Variants in TMUB2 observed in about 807,000 individuals in gnomAD.
TMUB2 encodes the protein transmembrane and ubiquitin-like domain-containing protein 2.
Under a neutral mutation model 20.2 loss-of-function variants are expected in TMUB2, and 19 were observed. The observed-to-expected ratio is 0.94, with a 90% confidence interval of 0.66 to 1.38. The LOEUF is 1.38. TMUB2 is among the 40% of genes most tolerant of loss of function. The probability of loss-of-function intolerance (pLI) is 0.00; values close to 1 mark genes in which losing one functional copy is unlikely to be tolerated. For missense variants in TMUB2, 426 were observed against 402.5 expected, an observed-to-expected ratio of 1.06 and a Z score of -0.50; for synonymous variants, 186 against 166.0, an observed-to-expected ratio of 1.12 and a Z score of -0.92.
At chr17:44,188,420 T>C (rs543202806) in intron 2 of TMUB2, among the ~76,000 whole-genome samples, 8 of 152,308 alleles carry the variant, frequency 5.3e-5, no homozygotes, top group South Asian at 4.1e-4. Context: ...TACAGAGTTA[T>C]CGTTTTAGAT....
intron 2 of TMUB2, among the ~76,000 whole-genome samples, chr17:44,188,334 A>G (rs929238694): frequency 6.6e-6 from 1 of 152,174 alleles, no homozygotes; most frequent in Non-Finnish European, 1.5e-5. Context: ...GTCTGTCCCA[A>G]GTTGCTCCCC....
rs1310158462 is a variant in TMUB2 at position 44,191,700 on chromosome 17, G to A, written c.*836G>A. On this transcript the variant is annotated 3_prime_UTR_variant, in exon 4 of 4. Transcript: ENST00000538716. The stretch of plus-strand genomic sequence containing the variant: ...GGGCTATTGGAGGGTCAGTGTCTGT[G>A]ACTGAATAAAGTTCCATTTTGTGGT... 4 of 985,656 alleles carry A rather than the reference G, an allele frequency of 4.1e-6. No homozygotes were observed. Among genetic ancestry groups the A allele is most frequent in the African/African-American group, 3.5e-5 (2 of 57,232 alleles). 61.1% of individuals were successfully genotyped at this position (985,656 alleles called of 1,614,324 possible).
chr17:44,189,315 C>A lies in TMUB2; in HGVS notation c.329C>A (p.Ala110Asp). Residue 110 changes from alanine to aspartate, a missense_variant, in exon 3 of 4, where the codon GCT becomes GAT. By Grantham distance (126) the Ala-to-Asp change is moderately radical. Coordinates refer to ENST00000538716, the MANE Select transcript of TMUB2 (RefSeq NM_001076674.3). ...PHPSEGNDEK[A>D]EEAGEGRGDS... is the part of the protein sequence containing the mutation. The stretch of plus-strand genomic sequence containing the variant: ...CCATCAGAGGGTAATGATGAGAAGG[C>A]TGAAGAGGCGGGTGAAGGTCGGGGA... 6.2e-7 allele frequency: 1 copy of A among 1,600,518 alleles called. No individual in the cohort carries two copies. Among genetic ancestry groups the A allele is most frequent in the Admixed American group, 1.7e-5 (1 of 59,254 alleles).
Position 44,191,523 on chromosome 17 carries a change from G to C in TMUB2, c.*659G>C. ...GGAAGGGGATGGGGCACCAAGCCAA[G>C]CCCCCAGCATTGGGAGCGGCCAGGC... On this transcript the variant is annotated 3_prime_UTR_variant, in exon 4 of 4. Coordinates refer to ENST00000538716, the MANE Select transcript of TMUB2 (RefSeq NM_001076674.3). 2 of 986,020 alleles carry C rather than the reference G, an allele frequency of 2.0e-6. No homozygotes were observed. Among genetic ancestry groups the C allele is most frequent in the Non-Finnish European group, 2.4e-6 (2 of 830,064 alleles). The allele number at this position is 986,020 out of a possible 1,614,324, so 61.1% of individuals were successfully genotyped here. A position where few individuals can be genotyped will look rare whatever the true frequency, so the allele number is the denominator to read the frequency against.
Position 44,190,577 on chromosome 17 carries a change from C to G in TMUB2, c.679C>G (p.Leu227Val). Residue 227 changes from leucine to valine, a missense_variant, in exon 4 of 4, where the codon CTG becomes GTG. By Grantham distance (32) the Leu-to-Val change is conservative (BLOSUM62 1). Transcript: ENST00000538716. ...GRLLQDPARTLRSLNITDNCV... is the reference protein window; with the variant it reads ...GRLLQDPARTVRSLNITDNCV... ...CCTGCTACAAGACCCAGCCCGCACA[C>G]TGCGTTCTCTGAACATTACCGACAA... 1.2e-6 allele frequency: 2 copies of G among 1,614,214 alleles called. No individual in the cohort carries two copies. Among genetic ancestry groups the G allele is most frequent in the Admixed American group, 1.7e-5 (1 of 60,022 alleles).
rs2055054933 is a variant in TMUB2, at chr17:44,189,548, G to C, written c.562G>C (p.Ala188Pro). 6.2e-7 allele frequency: 1 copy of C among 1,611,516 alleles called. No homozygotes were observed. Among genetic ancestry groups the C allele is most frequent in the Non-Finnish European group, 8.5e-7 (1 of 1,178,740 alleles). The stretch of plus-strand genomic sequence containing the variant: ...ATTCCTCAATGATACCGAGGAGCTG[G>C]CTGTGGCTAGGCCAGAGGATACCGT... The part of the protein sequence containing the change: ...LKFLNDTEEL[A>P]VARPEDTVGA... The change falls in exon 3 of 4, where the codon GCT becomes CCT. Residue 188 changes from alanine to proline, a missense_variant. By Grantham distance (27) the Ala-to-Pro change is conservative. Transcript: ENST00000538716.
At position 44,189,456 on chromosome 17, in the gene TMUB2, C is replaced by T. The variant is rs766442596; in HGVS notation, c.470C>T (p.Ala157Val). Residue 157 changes from alanine (A) to valine (V), a missense_variant, in exon 3 of 4, where the codon GCC becomes GTC. By Grantham distance (64) the Ala-to-Val change is moderately conservative. Transcript: ENST00000538716. ...QAGAGSSSPE[A>V]PLRSEDSTCL... ...GGTGCAGGCAGCAGCAGTCCAGAGGCCCCCCTGAGATCTGAGGATAGCACC... is the reference window on the plus strand; with the variant it reads ...GGTGCAGGCAGCAGCAGTCCAGAGGTCCCCCTGAGATCTGAGGATAGCACC... The T allele has an allele frequency of 9.3e-6, 15 of 1,613,868 alleles. No individual in the cohort carries two copies. Among genetic ancestry groups the T allele is most frequent in the East Asian group, 8.9e-5 (4 of 44,890 alleles).
In TMUB2 at chr17:44,189,194, A is replaced by C. The variant is rs755297238; in HGVS notation, c.208A>C (p.Ile70Leu). The change falls in exon 3 of 4, where the codon ATT becomes CTT. Residue 70 changes from isoleucine to leucine, a missense_variant. Coordinates refer to ENST00000538716, the MANE Select transcript of TMUB2 (RefSeq NM_001076674.3). The part of the protein sequence containing the change: ...DSGSNQLLGA[I>L]VSAGDTSVLH... ...CGGTAGCAACCAGCTCCTGGGCGCT[A>C]TTGTGTCAGCAGGCGACACATCCGT... 1.5e-5 allele frequency: 25 copies of C among 1,613,958 alleles called. No individual in the cohort carries two copies. Among genetic ancestry groups the C allele is most frequent in the Non-Finnish European group, 2.1e-5 (25 of 1,180,016 alleles).
chr17:44,189,369 G>A lies in TMUB2; in HGVS notation c.383G>A (p.Gly128Asp), dbSNP rs1404771208. 5 of 1,610,118 alleles carry A rather than the reference G, an allele frequency of 3.1e-6. No homozygotes were observed. The African/African-American group carries it at 5.3e-5, about 17-fold the overall frequency. The change falls in exon 3 of 4, where the codon GGT (glycine) becomes GAT (aspartate). Residue 128 changes from glycine to aspartate, a missense_variant. Transcript: ENST00000538716. The stretch of plus-strand genomic sequence containing the variant: ...TCCACTGGGGAGGCTGGAGCTGGGG[G>A]TGGTGTTGAGCCCAGCCTTGAGCAT... ...GDSTGEAGAG[G>D]GVEPSLEHLL... is the part of the protein sequence containing the mutation.
chr17:44,190,624 C>T lies in TMUB2; in HGVS notation c.726C>T (p.Arg242=). ...ACAACTGTGTGATTCACTGCCACCG[C>T]TCACCCCCAGGGTCAGCTGTTCCAG... ...ITDNCVIHCH[R]SPPGSAVPGP... Residue 242 remains arginine, a synonymous_variant, in exon 4 of 4, where the codon CGC becomes CGT. Transcript: ENST00000538716. 1 of 1,614,250 alleles carries T rather than the reference C, an allele frequency of 6.2e-7. No individual in the cohort carries two copies. The highest frequency in any genetic ancestry group is 1.1e-5 in the South Asian group (1 of 91,088).
chr17:44,189,388 T>G lies in TMUB2; in HGVS notation c.402T>G (p.Leu134=). ...AGAGGGVEPS[L]EHLLDIQGLP... is the part of the protein sequence containing the mutation. ...CTGGGGGTGGTGTTGAGCCCAGCCT[T>G]GAGCATCTCCTTGACATCCAAGGCC... The change falls in exon 3 of 4, where the codon CTT becomes CTG. Residue 134 remains leucine (L), a synonymous_variant. Transcript: ENST00000538716. The G allele has an allele frequency of 6.2e-7, 1 of 1,613,352 alleles. No individual in the cohort carries two copies. Among genetic ancestry groups the G allele is most frequent in the East Asian group, 2.2e-5 (1 of 44,864 alleles).
In TMUB2 at chr17:44,190,520, G is replaced by T. The variant is rs962350834; in HGVS notation, c.622G>T (p.Glu208Ter). 2.5e-6 allele frequency: 4 copies of T among 1,606,422 alleles called. No individual in the cohort carries two copies. In the Admixed American group the frequency reaches 6.7e-5, roughly 27 times the overall value. Reference sequence around the variant, plus strand: ...TTACAGCAAATACTTCCCTGGACAAGAAAGCCAGATGAAACTGATCTACCA... The same window carrying T: ...TTACAGCAAATACTTCCCTGGACAATAAAGCCAGATGAAACTGATCTACCA... ...ALKSKYFPGQ[E>*]SQMKLIYQGR... The change falls in exon 4 of 4, where the codon GAA becomes TAA. Residue 208 changes from glutamate (E) to a stop codon, truncating the protein, a stop_gained. Coordinates refer to ENST00000538716, the MANE Select transcript of TMUB2 (RefSeq NM_001076674.3). LOFTEE classifies it high-confidence loss of function.
rs575875448 is a variant in TMUB2 at position 44,189,007 on chromosome 17, C to G, written c.36-15C>G. The G allele has an allele frequency of 4.6e-5, 74 of 1,606,002 alleles. No individual in the cohort carries two copies. The South Asian group carries it at 5.1e-4, about 11-fold the overall frequency. The stretch of plus-strand genomic sequence containing the variant: ...CCTCAGGCTCTGCTGATGCTGTCCC[C>G]CTTTGTTCCTGCAGCGTGGACCCTG... On this transcript the variant is annotated splice_polypyrimidine_tract_variant and intron_variant, in intron 2 of 3. Transcript: ENST00000538716.
rs1047433141 is a variant in TMUB2 at position 44,191,609 on chromosome 17, A to T, written c.*745A>T. ...CAAGAGACAGCACTGGCCCTTGGCCAGCGTCCTACCCTGCCCAACTCCAAG... is the reference window on the plus strand; with the variant it reads ...CAAGAGACAGCACTGGCCCTTGGCCTGCGTCCTACCCTGCCCAACTCCAAG... On this transcript the variant is annotated 3_prime_UTR_variant, in exon 4 of 4. Coordinates refer to ENST00000538716, the MANE Select transcript of TMUB2 (RefSeq NM_001076674.3). 17 of 985,826 alleles carry T rather than the reference A, an allele frequency of 1.7e-5. No individual in the cohort carries two copies. The African/African-American group carries it at 3.0e-4, about 17-fold the overall frequency. 61.1% of individuals were successfully genotyped at this position (985,826 alleles called of 1,614,324 possible). A position where few individuals can be genotyped will look rare whatever the true frequency, so the allele number is the denominator to read the frequency against.
In TMUB2 at chr17:44,191,809, A is replaced by T; in HGVS notation, c.*945A>T. On this transcript the variant is annotated 3_prime_UTR_variant, in exon 4 of 4. Coordinates refer to ENST00000538716, the MANE Select transcript of TMUB2 (RefSeq NM_001076674.3). ...TGAGAGTAGGTAGGCCGGGGCTACC[A>T]ACGGGAGATGCAGTTTATTTACACC... 3 of 870,368 alleles carry T rather than the reference A, an allele frequency of 3.4e-6. No individual in the cohort carries two copies. The highest frequency in any genetic ancestry group is 4.1e-6 in the Non-Finnish European group (3 of 724,928). 53.9% of individuals were successfully genotyped at this position (870,368 alleles called of 1,614,324 possible).
Position 44,190,958 on chromosome 17 carries a change from G to C in TMUB2, c.*94G>C. ...CTGGGCCCAAGGGCCGGGGAGGGAG[G>C]GGTGGAAAGGATGTGATGGAAATCT... On this transcript the variant is annotated 3_prime_UTR_variant, in exon 4 of 4. Coordinates refer to ENST00000538716, the MANE Select transcript of TMUB2 (RefSeq NM_001076674.3). The C allele has an allele frequency of 6.6e-7, 1 of 1,511,214 alleles. No individual in the cohort carries two copies. Among genetic ancestry groups the C allele is most frequent in the Non-Finnish European group, 8.8e-7 (1 of 1,137,624 alleles). The allele number at this position is 1,511,214 out of a possible 1,614,324, so 93.6% of individuals were successfully genotyped here.
At position 44,191,441 on chromosome 17, in the gene TMUB2, A is replaced by G; in HGVS notation, c.*577A>G. On this transcript the variant is annotated 3_prime_UTR_variant, in exon 4 of 4. Coordinates refer to ENST00000538716, the MANE Select transcript of TMUB2 (RefSeq NM_001076674.3). ...AATAGGGTGTCCTCCCTTCTTTCAA[A>G]GCACTTTGCTTGCATTTTATTTTAT... 1.0e-6 allele frequency: 1 copy of G among 985,950 alleles called. No individual in the cohort carries two copies. Among genetic ancestry groups the G allele is most frequent in the East Asian group, 1.1e-4 (1 of 8,816 alleles). 61.1% of individuals were successfully genotyped at this position (985,950 alleles called of 1,614,324 possible). A position where few individuals can be genotyped will look rare whatever the true frequency, so the allele number is the denominator to read the frequency against.
chr17:44,187,400 G>T (rs1567741718), intron 1 of TMUB2: 2 of 391,956 alleles, frequency 5.1e-6, no homozygotes, highest in Non-Finnish European at 9.3e-6. Context: ...TCAGAAAAAG[G>T]GTGCGGGACC....
intron 1 of TMUB2, 97 bp from the exon 2 acceptor site, chr17:44,187,579 T>A: frequency 1.5e-6 from 1 of 671,240 alleles, no homozygotes; most frequent in South Asian, 1.6e-5. Context: ...TCTTTTCCTG[T>A]AAATCATGGT....
Sources: gnomAD v4.1 joint callset for allele counts (sites outside exome capture counted in the v4.1 genomes callset) on GRCh38, gnomAD v4.1.1 for gene constraint, MANE v1.5 for transcripts, NCBI Gene and HGNC (gene_info 2026-07-23, HGNC 2026-07-21) for gene names.